The following RAB38 variants were observed in gnomAD, a reference collection of about 807,000 sequenced individuals.
The protein encoded by RAB38 is ras-related protein Rab-38.
In RAB38, 15 loss-of-function variants were observed where a neutral mutation model predicts 18.4. The ratio of observed to expected loss-of-function variants is 0.82; its 90% CI spans 0.55 to 1.26. RAB38 has a LOEUF of 1.26. RAB38 is among the 50% of genes most tolerant of loss of function. The probability of loss-of-function intolerance (pLI) is 0.00; values close to 1 mark genes in which losing one functional copy is unlikely to be tolerated. For synonymous variants in RAB38, 101 were observed against 104.4 expected (o/e 0.97, Z 0.20); for missense variants, 294 against 267.4 (o/e 1.10, Z -0.69).
chr11:88,173,557 C>T (rs956372350), intron 1 of RAB38: 2 of 985,416 alleles, frequency 2.0e-6, no homozygotes, highest in South Asian at 4.7e-5. Flanking sequence ...AACTTCTCTG[C>T]TGTCATGCTG....
the RAB38 span, among the ~76,000 whole-genome samples, chr11:88,083,591 T>C: frequency 1.3e-5 from 2 of 151,936 alleles, no homozygotes; most frequent in Admixed American, 6.6e-5. Context: ...CCTTTCAAAA[T>C]TCATGTTGAA....
intron 2 of RAB38, among the ~76,000 whole-genome samples, chr11:88,135,208 T>C (rs990946518): frequency 2.0e-5 from 3 of 152,200 alleles, no homozygotes; most frequent in Non-Finnish European, 2.9e-5. Flanking sequence ...ATGTTACATA[T>C]GCCACGCAAG....
chr11:88,116,022 TG>T (rs953806075), intron 2 of RAB38, among the ~76,000 whole-genome samples: 1 of 152,236 alleles, frequency 6.6e-6, no homozygotes, highest in Non-Finnish European at 1.5e-5. Flanking sequence ...CATCCCCTGT[TG>T]GGCAACTTCC....
chr11:88,119,579 TC>T (rs1443118254), intron 2 of RAB38, among the ~76,000 whole-genome samples: 5 of 151,350 alleles, frequency 3.3e-5, no homozygotes, highest in Non-Finnish European at 7.4e-5. Flanking sequence ...CCATCAGAGG[TC>T]CTGGTTACTT....
At chr11:88,076,815 C>T in the RAB38 span, among the ~76,000 whole-genome samples, 14 of 148,032 alleles carry the variant, frequency 9.5e-5, no homozygotes, top group East Asian at 2.6e-3. Context: ...AAAATTTAGC[C>T]GGGAGTGGTT....
chr11:88,081,570 C>T, the RAB38 span, among the ~76,000 whole-genome samples: 1 of 151,874 alleles, frequency 6.6e-6, no homozygotes, highest in South Asian at 2.1e-4. Flanking sequence ...CATTCCTTGG[C>T]TTGTGACACA....
the RAB38 span, among the ~76,000 whole-genome samples, chr11:88,061,458 A>G: frequency 6.6e-6 from 1 of 152,248 alleles, no homozygotes; most frequent in African/African-American, 2.4e-5. Flanking sequence ...TAGAGCCATT[A>G]GACTGTTTAC....
the RAB38 span, among the ~76,000 whole-genome samples, chr11:88,022,611 C>CAAAAAAAAAAAAA: frequency 5.0e-4 from 26 of 52,062 alleles, 2 homozygotes; most frequent in African/African-American, 1.3e-3. Flanking sequence ...AAAGACCCCA[C>CAAAAAAAAAAAAA]AAAAAAAAAA....
the RAB38 span, among the ~76,000 whole-genome samples, chr11:88,022,435 G>A: frequency 6.6e-6 from 1 of 151,474 alleles, no homozygotes; most frequent in Non-Finnish European, 1.5e-5. Flanking sequence ...TCTTAGATCT[G>A]GACACAATAA....
chr11:88,108,058 A>G, the RAB38 span, among the ~76,000 whole-genome samples: 1 of 152,164 alleles, frequency 6.6e-6, no homozygotes, highest in South Asian at 2.1e-4. Context: ...TCAATTTTAG[A>G]ATAAGTGCAA....
the RAB38 span, among the ~76,000 whole-genome samples, chr11:88,031,575 T>C: frequency 7.2e-5 from 11 of 151,998 alleles, no homozygotes; most frequent in Non-Finnish European, 1.5e-4. Flanking sequence ...AGCATTCTTA[T>C]ACACCAATAA....
chr11:87,838,218 C>T, the RAB38 span, among the ~76,000 whole-genome samples: 2 of 151,802 alleles, frequency 1.3e-5, no homozygotes, highest in African/African-American at 4.8e-5. Context: ...GGGTTCATGC[C>T]ATTCTCCTGC....
chr11:87,964,218 C>T, the RAB38 span, among the ~76,000 whole-genome samples: 4 of 152,068 alleles, frequency 2.6e-5, no homozygotes, highest in South Asian at 2.1e-4. Flanking sequence ...CAGCCTTGAC[C>T]GATCTCAGCA....
chr11:87,819,749 TAC>T, the RAB38 span, among the ~76,000 whole-genome samples: 10 of 85,694 alleles, frequency 1.2e-4, no homozygotes, highest in South Asian at 1.7e-3. Context: ...TATATATATA[TAC>T]GTGTATGTAT....
At chr11:88,035,848 T>G in the RAB38 span, among the ~76,000 whole-genome samples, 2 of 151,944 alleles carry the variant, frequency 1.3e-5, no homozygotes, top group Non-Finnish European at 2.9e-5. Context: ...GATCTACAAC[T>G]AACCTCAATG....
chr11:87,893,687 G>A, the RAB38 span, among the ~76,000 whole-genome samples: 220 of 151,280 alleles, frequency 1.5e-3, no homozygotes, highest in Admixed American at 4.1e-3. Context: ...TCTTCCTCTC[G>A]TGATCTCACC....
At chr11:88,010,506 C>T in the RAB38 span, among the ~76,000 whole-genome samples, 1 of 152,092 alleles carries the variant, frequency 6.6e-6, no homozygotes, top group South Asian at 2.1e-4. Flanking sequence ...GATATGAATT[C>T]TATTTTTTCC....
At chr11:87,920,291 C>G in the RAB38 span, among the ~76,000 whole-genome samples, 1 of 151,726 alleles carries the variant, frequency 6.6e-6, no homozygotes, top group African/African-American at 2.4e-5. Context: ...ATAATCTTCT[C>G]TCTTAGGACT....
the RAB38 span, among the ~76,000 whole-genome samples, chr11:87,826,954 C>T: frequency 6.6e-6 from 1 of 152,132 alleles, no homozygotes; most frequent in Non-Finnish European, 1.5e-5. Flanking sequence ...AGAGTGAGGA[C>T]TTCAGGCCTG....
Sources: allele counts gnomAD v4.1 joint callset (sites outside exome capture counted in the v4.1 genomes callset), GRCh38; gene constraint gnomAD v4.1.1; transcripts MANE v1.5; gene names NCBI Gene and HGNC (gene_info 2026-07-23, HGNC 2026-07-21).